The following PEX14 variants were observed in gnomAD, a reference collection of about 807,000 sequenced individuals.
The protein encoded by PEX14 is peroxisomal membrane protein PEX14.
In PEX14, 15 loss-of-function variants were observed where a neutral mutation model predicts 49.5. The ratio of observed to expected loss-of-function variants is 0.30; its 90% CI spans 0.20 to 0.47. PEX14 has a LOEUF of 0.47. PEX14 is among the 20% of genes least tolerant of loss of function. The pLI is 1.00. For synonymous variants in PEX14, 210 were observed against 212.7 expected (o/e 0.99, Z 0.11); for missense variants, 398 against 494.8 (o/e 0.80, Z 1.86).
rs1216108508 is a variant in PEX14 at position 10,494,389 on chromosome 1, T to C, written c.37-885T>C. On this transcript the variant is annotated intron_variant, in intron 1 of 8. Transcript: ENST00000356607. This position sits in a 1 kb window ranked among gnomAD's most constrained non-coding sequence, Gnocchi z 4.3. The stretch of plus-strand genomic sequence containing the variant: ...GATATTAACTGTAGATAGATGGCAA[T>C]TGGCCTGACCATCAGTCACAGTAAA... Among the ~76,000 whole-genome samples the C allele has an allele frequency of 6.6e-6, 1 of 152,220 alleles. No homozygotes were observed. Among genetic ancestry groups the C allele is most frequent in the East Asian group, 1.9e-4 (1 of 5,204 alleles).
intron 3 of PEX14, among the ~76,000 whole-genome samples, chr1:10,598,772 A>C (rs1384221972): frequency 6.6e-6 from 1 of 152,210 alleles, no homozygotes. Context: ...AATAAAGCAA[A>C]TTATTCCCGT....
intron 2 of PEX14, among the ~76,000 whole-genome samples, chr1:10,508,542 C>G (rs370843119): frequency 1.3e-5 from 2 of 152,136 alleles, no homozygotes; most frequent in African/African-American, 4.8e-5. Context: ...ATATGGGCAA[C>G]TTGTGCCTTG....
At chr1:10,515,436 G>T (rs1641953837) in intron 2 of PEX14, among the ~76,000 whole-genome samples, 1 of 152,264 alleles carries the variant, frequency 6.6e-6, no homozygotes, top group Admixed American at 6.5e-5. Context: ...TGAGGTAAGG[G>T]ATTGGTCCTA....
chr1:10,572,533 C>T (rs997851931), intron 3 of PEX14, among the ~76,000 whole-genome samples: 3 of 151,986 alleles, frequency 2.0e-5, no homozygotes, highest in Non-Finnish European at 2.9e-5. Flanking sequence ...GACAGAGATA[C>T]GTTCTTTTTT....
At chr1:10,563,565 CTGTGAGCCGAG>C (rs1639714519) in intron 3 of PEX14, among the ~76,000 whole-genome samples, 1 of 152,008 alleles carries the variant, frequency 6.6e-6, no homozygotes, top group South Asian at 2.1e-4. Context: ...GCGGAGGTTG[CTGTGAGCCGAG>C]ATCGTGCCAT....
intron 2 of PEX14, among the ~76,000 whole-genome samples, chr1:10,534,054 A>G (rs1408591614): frequency 6.6e-6 from 1 of 152,166 alleles, no homozygotes; most frequent in Non-Finnish European, 1.5e-5. Flanking sequence ...GGAAGGATGA[A>G]GGAAAGCTTT....
At chr1:10,578,380 T>G (rs1337063943) in intron 3 of PEX14, among the ~76,000 whole-genome samples, 1 of 152,154 alleles carries the variant, frequency 6.6e-6, no homozygotes, top group African/African-American at 2.4e-5. Context: ...GCTATGGCAT[T>G]TTCCCTAGGA....
intron 2 of PEX14, among the ~76,000 whole-genome samples, chr1:10,513,931 C>T (rs553557165): frequency 7.2e-5 from 11 of 152,210 alleles, no homozygotes; most frequent in Middle Eastern, 3.4e-3. Context: ...CTAATTCATC[C>T]GCTCACCCCC....
At chr1:10,508,250 A>C (rs1299640284) in intron 2 of PEX14, among the ~76,000 whole-genome samples, 1 of 151,838 alleles carries the variant, frequency 6.6e-6, no homozygotes, top group African/African-American at 2.4e-5. Context: ...TCTGTCACCC[A>C]GGCTGGAGTA....
At chr1:10,481,887 G>A (rs1425852386) in intron 1 of PEX14, among the ~76,000 whole-genome samples, 1 of 147,658 alleles carries the variant, frequency 6.8e-6, no homozygotes, top group Non-Finnish European at 1.5e-5. Flanking sequence ...GCAGTGGTAC[G>A]ATTTCGGCTC....
chr1:10,516,565 C>T (rs959284793), intron 2 of PEX14, among the ~76,000 whole-genome samples: 1 of 152,192 alleles, frequency 6.6e-6, no homozygotes, highest in Non-Finnish European at 1.5e-5. Context: ...ACCCAAGCCT[C>T]GTCTGTGCTG....
chr1:10,570,738 G>A (rs1639946357), intron 3 of PEX14, among the ~76,000 whole-genome samples: 2 of 152,034 alleles, frequency 1.3e-5, no homozygotes, highest in South Asian at 4.1e-4. Flanking sequence ...AGCATCTGTG[G>A]GCATGAGTCC....
At chr1:10,499,783 T>C (rs556845960) in intron 2 of PEX14, among the ~76,000 whole-genome samples, 1 of 152,208 alleles carries the variant, frequency 6.6e-6, no homozygotes, top group East Asian at 1.9e-4. Context: ...ATGACAGCAA[T>C]TTCTACTTTA....
At chr1:10,546,550 C>G (rs6674521) in intron 3 of PEX14, among the ~76,000 whole-genome samples, 1 of 99,710 alleles carries the variant, frequency 1.0e-5, no homozygotes, top group Admixed American at 1.3e-4. Flanking sequence ...GGTGACAGAG[C>G]GAGACTCTGT....
intron 1 of PEX14, among the ~76,000 whole-genome samples, chr1:10,486,401 C>T (rs1641368708): frequency 6.7e-6 from 1 of 148,748 alleles, no homozygotes; most frequent in South Asian, 2.1e-4. Context: ...GTTTTGAGGC[C>T]AGGCACAGTG....
At chr1:10,546,317 G>A (rs1240196050) in intron 3 of PEX14, among the ~76,000 whole-genome samples, 1 of 152,138 alleles carries the variant, frequency 6.6e-6, no homozygotes, top group African/African-American at 2.4e-5. Context: ...TGTAATCCCA[G>A]CACTTTGGGA....
At chr1:10,531,764 A>G (rs1436272617) in intron 2 of PEX14, among the ~76,000 whole-genome samples, 1 of 152,152 alleles carries the variant, frequency 6.6e-6, no homozygotes, top group Non-Finnish European at 1.5e-5. Flanking sequence ...TGGCATTCCA[A>G]ATAAGTGTCA....
chr1:10,589,919 A>G (rs57853007), intron 3 of PEX14, among the ~76,000 whole-genome samples: 14,869 of 152,216 alleles, frequency 0.098, 884 homozygotes, highest in East Asian at 0.21. Flanking sequence ...TCCAGTCTTA[A>G]TAACTTTGCC....
At chr1:10,589,260 T>C (rs1258913654) in intron 3 of PEX14, among the ~76,000 whole-genome samples, 1 of 152,092 alleles carries the variant, frequency 6.6e-6, no homozygotes, top group African/African-American at 2.4e-5. Flanking sequence ...GCCTGTGACA[T>C]GGTGCTCAGA....
Sources: gnomAD v4.1 joint callset for allele counts (sites outside exome capture counted in the v4.1 genomes callset) on GRCh38, gnomAD v4.1.1 for gene constraint, Gnocchi (gnomAD v3.1) non-coding constraint, MANE v1.5 for transcripts, NCBI Gene and HGNC (gene_info 2026-07-23, HGNC 2026-07-21) for gene names.